TULP4: variants seen among roughly 807,000 people sequenced by gnomAD.
TULP4 encodes TUB like protein 4.
In TULP4, 16 loss-of-function variants were observed where a neutral mutation model predicts 129.0. The ratio of observed to expected loss-of-function variants is 0.12; its 90% CI spans 0.08 to 0.19. The LOEUF is 0.19. Among genes scored for constraint, TULP4 ranks in the 10% least tolerant of loss-of-function variants. The pLI is 1.00. For synonymous variants in TULP4, 998 were observed against 854.0 expected, an observed-to-expected ratio of 1.17 and a Z score of -2.94; for missense variants, 1,842 against 2,059.1, an observed-to-expected ratio of 0.89 and a Z score of 2.04.
rs1472483895 is a variant in TULP4, at chr6:158,413,689, C to T, written c.381+496C>T. ...TCATCCTCCAGCTCTTCCTTTCTGA[C>T]ACAGTTTGTCTCTGCTCTCAGGAAA... On this transcript the variant is annotated intron_variant, in intron 2 of 13. Coordinates refer to ENST00000367097, the MANE Select transcript of TULP4 (RefSeq NM_020245.5). This position sits in a 1 kb window ranked among gnomAD's most constrained non-coding sequence, Gnocchi z 4.9. Among the ~76,000 whole-genome samples the T allele has an allele frequency of 6.6e-6, 1 of 151,914 alleles. No individual in the cohort carries two copies. Among genetic ancestry groups the T allele is most frequent in the Non-Finnish European group, 1.5e-5 (1 of 68,012 alleles).
At chr6:158,307,423 A>G (rs1184942174) in intron 1 of TULP4, among the ~76,000 whole-genome samples, 2 of 152,214 alleles carry the variant, frequency 1.3e-5, no homozygotes, top group African/African-American at 4.8e-5. Context: ...TGAATGAAAT[A>G]TATCAGTGAA....
intron 1 of TULP4, among the ~76,000 whole-genome samples, chr6:158,302,542 G>C (rs1344135609): frequency 6.6e-6 from 1 of 152,138 alleles, no homozygotes. Context: ...AGTTGTAACT[G>C]TTTAGCAACC....
At chr6:158,446,183 G>A (rs539766948) in intron 3 of TULP4, among the ~76,000 whole-genome samples, 1 of 152,328 alleles carries the variant, frequency 6.6e-6, no homozygotes, top group East Asian at 1.9e-4. Flanking sequence ...TGTAATGGAA[G>A]AGATTTTTAA....
chr6:158,434,978 G>A (rs1778719209), intron 3 of TULP4, among the ~76,000 whole-genome samples: 1 of 152,228 alleles, frequency 6.6e-6, no homozygotes, highest in Non-Finnish European at 1.5e-5. Flanking sequence ...GGAGCTCCAA[G>A]AAGCAGCCCC....
At chr6:158,375,318 G>C (rs758172800) in intron 1 of TULP4, among the ~76,000 whole-genome samples, 1 of 152,188 alleles carries the variant, frequency 6.6e-6, no homozygotes, top group African/African-American at 2.4e-5. Context: ...GCAATTCAGC[G>C]TGTTCCTTTT....
chr6:158,449,716 G>T (rs1189492528), intron 4 of TULP4, among the ~76,000 whole-genome samples: 2 of 151,976 alleles, frequency 1.3e-5, no homozygotes, highest in Non-Finnish European at 2.9e-5. Flanking sequence ...AGGTCTAAAA[G>T]ACCTACTGCC....
Position 158,508,164 on chromosome 6 carries a change from T to TTTTTTG in TULP4, c.*1488_*1493dup, listed in dbSNP as rs997338916. 3 of 152,098 alleles carry TTTTTTG rather than the reference T, an allele frequency of 2.0e-5. No individual in the cohort carries two copies. Among genetic ancestry groups the TTTTTTG allele is most frequent in the African/African-American group, 4.8e-5 (2 of 41,350 alleles). The allele number at this position is 152,098 out of a possible 1,614,324, so 9.4% of individuals were successfully genotyped here. On this transcript the variant is annotated 3_prime_UTR_variant, in exon 14 of 14. Transcript: ENST00000367097. ...TTTTTGTTGTTGTTTTTTGTTGTTG[T>TTTTTTG]TTTTTGTTTTTGTTTTTGTTTTTCT... is the stretch of plus-strand genomic sequence containing the variant.
At chr6:158,333,943 CTG>C (rs1477864776) in intron 1 of TULP4, among the ~76,000 whole-genome samples, 7 of 152,326 alleles carry the variant, frequency 4.6e-5, no homozygotes, top group Non-Finnish European at 1.0e-4. Context: ...ATAAACTTAA[CTG>C]TAGTATGTAC....
At chr6:158,289,869 C>T (rs962390719) in intron 1 of TULP4, among the ~76,000 whole-genome samples, 2 of 152,122 alleles carry the variant, frequency 1.3e-5, no homozygotes, top group Non-Finnish European at 2.9e-5. Flanking sequence ...ATGTAATCCA[C>T]CATGCCCAGA....
intron 1 of TULP4, among the ~76,000 whole-genome samples, chr6:158,286,728 T>C (rs1487734153): frequency 6.6e-6 from 1 of 152,256 alleles, no homozygotes; most frequent in Non-Finnish European, 1.5e-5. Context: ...TGTTTAATTA[T>C]GCTCTATGGG....
intron 5 of TULP4, among the ~76,000 whole-genome samples, chr6:158,452,935 A>G (rs1395392742): frequency 6.6e-6 from 1 of 152,204 alleles, no homozygotes; most frequent in Non-Finnish European, 1.5e-5. Flanking sequence ...TGGAAAAACA[A>G]TCTGTCTCTT....
At chr6:158,464,951 A>G (rs1443537583) in intron 6 of TULP4, among the ~76,000 whole-genome samples, 1 of 152,186 alleles carries the variant, frequency 6.6e-6, no homozygotes, top group Non-Finnish European at 1.5e-5. Flanking sequence ...TATATCAACA[A>G]ACTATATTTG....
chr6:158,344,104 T>G (rs1380792586), intron 1 of TULP4, among the ~76,000 whole-genome samples: 1 of 152,202 alleles, frequency 6.6e-6, no homozygotes, highest in African/African-American at 2.4e-5. Flanking sequence ...TCCTCCACCC[T>G]TAAGAATGTT....
chr6:158,279,343 A>G (rs1320270195), upstream of TULP4, among the ~76,000 whole-genome samples: 1 of 152,202 alleles, frequency 6.6e-6, no homozygotes, highest in African/African-American at 2.4e-5. Context: ...TTTAAAAGAT[A>G]CTGTTAAATT....
chr6:158,290,052 T>G (rs1778904711), intron 1 of TULP4, among the ~76,000 whole-genome samples: 1 of 151,894 alleles, frequency 6.6e-6, no homozygotes, highest in African/African-American at 2.4e-5. Context: ...TCCTCCCACC[T>G]CAGTCTCTTG....
In TULP4 at chr6:158,294,374, T is replaced by TA. The variant is rs1026333697; in HGVS notation, n.116+12007dup. On this transcript the variant is annotated intron_variant and non_coding_transcript_variant, in intron 1 of 1. Coordinates refer to the TULP4 transcript ENST00000432358. ...CAAGACTCCATCTCAAAAAAAAAAA[T>TA]AAAAAAAAAAATAAATAAAGCAGGT... 2.5e-3 allele frequency among the ~76,000 whole-genome samples: 354 copies of TA among 140,394 alleles called. 2 individuals carry two copies. Among genetic ancestry groups the TA allele is most frequent in the Admixed American group, 7.5e-3 (106 of 14,134 alleles). 92.1% of individuals were successfully genotyped at this position (140,394 alleles called of 152,430 possible).
rs577102675 is a variant in TULP4 at position 158,489,825 on chromosome 6, G to T, written c.1631+93G>T. ...AGAATCGCATTGAAACTGACCAGAAGAGTCAAAGAGCAACCTCCCTGCCTT... is the reference window on the plus strand; with the variant it reads ...AGAATCGCATTGAAACTGACCAGAATAGTCAAAGAGCAACCTCCCTGCCTT... On this transcript the variant is annotated intron_variant, in intron 9 of 13. Coordinates refer to ENST00000367097, the MANE Select transcript of TULP4 (RefSeq NM_020245.5). 71 of 1,453,256 alleles carry T rather than the reference G, an allele frequency of 4.9e-5. No homozygotes were observed. The African/African-American group carries it at 9.2e-4, about 19-fold the overall frequency. 90.0% of individuals were successfully genotyped at this position (1,453,256 alleles called of 1,614,324 possible).
At chr6:158,305,446 T>C (rs754289265) in intron 1 of TULP4, among the ~76,000 whole-genome samples, 4 of 151,448 alleles carry the variant, frequency 2.6e-5, no homozygotes, top group Non-Finnish European at 5.9e-5. Flanking sequence ...ACACCTGTAA[T>C]TCCAGCCCTT....
chr6:158,492,568 C>G lies in TULP4; in HGVS notation c.1632-1005C>G, dbSNP rs545838504. 3.9e-5 allele frequency among the ~76,000 whole-genome samples: 6 copies of G among 152,268 alleles called. No homozygotes were observed. In the South Asian group the frequency reaches 1.2e-3, roughly 32 times the overall value. On this transcript the variant is annotated intron_variant, in intron 9 of 13. Transcript: ENST00000367097. Reference sequence around the variant, plus strand: ...CTAATGCATGCAGCTAAATCCTTCACCTTTAAACGTCCTCTTCAGGTTGCC... The same window carrying G: ...CTAATGCATGCAGCTAAATCCTTCAGCTTTAAACGTCCTCTTCAGGTTGCC...
Sources: gnomAD v4.1 joint callset for allele counts (sites outside exome capture counted in the v4.1 genomes callset) on GRCh38, gnomAD v4.1.1 for gene constraint, Gnocchi (gnomAD v3.1) non-coding constraint, MANE v1.5 for transcripts, NCBI Gene and HGNC (gene_info 2026-07-23, HGNC 2026-07-21) for gene names.